Variants in ZNF519 observed in about 807,000 individuals in gnomAD.
ZNF519 encodes the protein zinc finger protein 519.
Under a neutral mutation model 7.4 loss-of-function variants are expected in ZNF519, and 7 were observed. The ratio of observed to expected loss-of-function variants is 0.94; its 90% CI spans 0.54 to 1.77. ZNF519 has a LOEUF of 1.77. Among genes scored for constraint, ZNF519 ranks in the 40% most tolerant of loss-of-function variants. The probability of loss-of-function intolerance (pLI) is 0.00; values close to 1 mark genes in which losing one functional copy is unlikely to be tolerated. For synonymous variants in ZNF519, 179 were observed against 203.3 expected, an observed-to-expected ratio of 0.88 and a Z score of 1.02; for missense variants, 586 against 623.1, an observed-to-expected ratio of 0.94 and a Z score of 0.63.
Position 14,105,659 on chromosome 18 carries a change from C to A in ZNF519, c.881G>T (p.Cys294Phe). Residue 294 changes from cysteine (C) to phenylalanine (F), a missense_variant, in exon 3 of 3, where the codon TGT (cysteine) becomes TTT (phenylalanine). Coordinates refer to ENST00000590202, the MANE Select transcript of ZNF519 (RefSeq NM_145287.4). ...KIHTGEKPYK[C>F]KKCDKAFNKS... is the part of the protein sequence containing the mutation. ...GTTAAAGGCTTTGTCACATTTTTTA[C>A]ATTTGTAAGGTTTCTCTCCAGTATG... 1 of 1,613,336 alleles carries A rather than the reference C, an allele frequency of 6.2e-7. No homozygotes were observed. Among genetic ancestry groups the A allele is most frequent in the East Asian group, 2.2e-5 (1 of 44,862 alleles).
downstream of ZNF519, chr18:14,071,814 T>C (rs560084642): frequency 1.1e-4 from 16 of 152,304 alleles, no homozygotes; most frequent in East Asian, 2.9e-3. Flanking sequence ...ACTAACTTTA[T>C]GGTGAAATCA....
chr18:14,105,046 G>A lies in ZNF519; in HGVS notation c.1494C>T (p.Thr498=). 1 of 1,606,426 alleles carries A rather than the reference G, an allele frequency of 6.2e-7. No homozygotes were observed. Among genetic ancestry groups the A allele is most frequent in the Non-Finnish European group, 8.5e-7 (1 of 1,174,840 alleles). Residue 498 remains threonine (T), a synonymous_variant, in exon 3 of 3, where the codon ACC becomes ACT. Transcript: ENST00000590202. ...FKCKECGKAF[T]RSSHLTQHQR... Reference sequence around the variant, plus strand: ...GATGTTGAGTAAGGTGTGAGCTCCTGGTAAAAGCTTTGCCACATTCTTTAC... The same window carrying A: ...GATGTTGAGTAAGGTGTGAGCTCCTAGTAAAAGCTTTGCCACATTCTTTAC...
At chr18:14,117,607 TG>T (rs2046251897) in intron 2 of ZNF519, among the ~76,000 whole-genome samples, 1 of 152,170 alleles carries the variant, frequency 6.6e-6, no homozygotes, top group African/African-American at 2.4e-5. Flanking sequence ...TACCTGAGAC[TG>T]GGTATTTTAA....
At chr18:14,092,297 G>A (rs996012823) in intron 2 of ZNF519, among the ~76,000 whole-genome samples, 2 of 152,120 alleles carry the variant, frequency 1.3e-5, no homozygotes, top group African/African-American at 4.8e-5. Flanking sequence ...TCCTTCATTG[G>A]AACACGAAGA....
intron 1 of ZNF519, among the ~76,000 whole-genome samples, chr18:14,126,262 A>G (rs1219422501): frequency 6.6e-6 from 1 of 152,180 alleles, no homozygotes; most frequent in Non-Finnish European, 1.5e-5. Flanking sequence ...TGACCAAGAG[A>G]AATCTGATTT....
At chr18:14,111,397 T>G (rs748267790) in intron 2 of ZNF519, among the ~76,000 whole-genome samples, 12 of 149,996 alleles carry the variant, frequency 8.0e-5, no homozygotes, top group African/African-American at 2.9e-4. Context: ...TCCCACCTAC[T>G]TGGGAGGCTG....
chr18:14,115,236 T>C (rs942639704), intron 2 of ZNF519, among the ~76,000 whole-genome samples: 2 of 152,332 alleles, frequency 1.3e-5, no homozygotes, highest in Non-Finnish European at 2.9e-5. Flanking sequence ...CCCAACTCTA[T>C]GTTTCTTCCT....
At chr18:14,107,000 T>TA (rs34119180) in intron 2 of ZNF519, among the ~76,000 whole-genome samples, 149,547 of 152,082 alleles carry the variant, frequency 0.98, 73,566 homozygotes, top group Middle Eastern at 1. Context: ...CTCTGGGCCC[T>TA]AAAAAACTTG....
intron 2 of ZNF519, among the ~76,000 whole-genome samples, chr18:14,092,378 CCTGATAATGA>C (rs2046117912): frequency 6.6e-6 from 1 of 151,954 alleles, no homozygotes. Flanking sequence ...AGACAGAGAC[CCTGATAATGA>C]AGTCAAAATA....
chr18:14,123,549 T>C (rs1966411), intron 2 of ZNF519, among the ~76,000 whole-genome samples: 31,236 of 151,830 alleles, frequency 0.21, 3,988 homozygotes, highest in East Asian at 0.68. Context: ...CAAAACCCTG[T>C]CTCTACTAAA....
Position 14,102,179 on chromosome 18 carries a change from T to C in ZNF519, c.*2738A>G. 6.6e-6 allele frequency: 1 copy of C among 152,320 alleles called. No homozygotes were observed. Among genetic ancestry groups the C allele is most frequent in the Non-Finnish European group, 1.5e-5 (1 of 68,170 alleles). The allele number at this position is 152,320 out of a possible 1,614,324, so 9.4% of individuals were successfully genotyped here. On this transcript the variant is annotated 3_prime_UTR_variant, in exon 3 of 3. Coordinates refer to ENST00000590202, the MANE Select transcript of ZNF519 (RefSeq NM_145287.4). Reference sequence around the variant, plus strand: ...CACATGTTGCCCAGGCTGAATTTACTTATTTAGAGATGGAGTCTCACTCTG... The same window carrying C: ...CACATGTTGCCCAGGCTGAATTTACCTATTTAGAGATGGAGTCTCACTCTG...
chr18:14,099,328 T>A (rs1330284642), downstream of ZNF519, among the ~76,000 whole-genome samples: 1 of 152,190 alleles, frequency 6.6e-6, no homozygotes, highest in Non-Finnish European at 1.5e-5. Flanking sequence ...TACTTGTGAT[T>A]TAATCTCCAA....
chr18:14,089,449 G>A (rs1267488613), intron 2 of ZNF519, among the ~76,000 whole-genome samples: 3 of 152,044 alleles, frequency 2.0e-5, no homozygotes, highest in East Asian at 1.9e-4. Context: ...TAGGATTTCC[G>A]GACACACACT....
At chr18:14,099,047 G>T (rs957575511), downstream of ZNF519, among the ~76,000 whole-genome samples, 1 of 151,982 alleles carries the variant, frequency 6.6e-6, no homozygotes, top group African/African-American at 2.4e-5. Flanking sequence ...TCAGTGTCAG[G>T]TCTCTGGAGG....
At chr18:14,126,684 TCTC>T (rs927862817) in intron 1 of ZNF519, among the ~76,000 whole-genome samples, 6 of 152,124 alleles carry the variant, frequency 3.9e-5, no homozygotes, top group Admixed American at 1.3e-4. Flanking sequence ...AGTCTCCAGA[TCTC>T]CTCATTTTTC....
rs1006147618 is a variant in ZNF519, at chr18:14,082,397, C to G, written c.*177+2480G>C. On this transcript the variant is annotated intron_variant and NMD_transcript_variant, in intron 3 of 4. Transcript: ENST00000587419. ...AGATATATAGTTTTAAAAAAGAATA[C>G]TACATAACAATAGATTCACCGAACT... 3 of 152,190 alleles carry G rather than the reference C, an allele frequency of 2.0e-5. No individual in the cohort carries two copies. In the East Asian group the frequency reaches 5.8e-4, roughly 29 times the overall value. 9.4% of individuals were successfully genotyped at this position (152,190 alleles called of 1,614,324 possible). A position where few individuals can be genotyped will look rare whatever the true frequency, so the allele number is the denominator to read the frequency against.
chr18:14,121,463 T>C (rs922415176), intron 2 of ZNF519, among the ~76,000 whole-genome samples: 3 of 152,154 alleles, frequency 2.0e-5, no homozygotes, highest in East Asian at 1.9e-4. Context: ...ATTAAATATA[T>C]AGTTATACAA....
intron 2 of ZNF519, among the ~76,000 whole-genome samples, chr18:14,113,307 C>T (rs981606281): frequency 5.9e-5 from 9 of 152,194 alleles, no homozygotes; most frequent in African/African-American, 2.2e-4. Context: ...AAATGCATAC[C>T]TGATTGCCTC....
intron 1 of ZNF519, among the ~76,000 whole-genome samples, chr18:14,129,252 G>T (rs967593848): frequency 6.6e-6 from 1 of 152,198 alleles, no homozygotes; most frequent in African/African-American, 2.4e-5. Context: ...GATAAGCCAG[G>T]AGTCTTCTAG....
Sources: gnomAD v4.1 joint callset for allele counts (sites outside exome capture counted in the v4.1 genomes callset) on GRCh38, gnomAD v4.1.1 for gene constraint, MANE v1.5 for transcripts, NCBI Gene and HGNC (gene_info 2026-07-23, HGNC 2026-07-21) for gene names.